The following DENND2B variants were observed in gnomAD, a reference collection of about 807,000 sequenced individuals.
DENND2B encodes the protein DENN domain-containing protein 2B.
A neutral mutation model predicts 116.0 loss-of-function variants in DENND2B; 32 were observed. That is an observed-to-expected ratio of 0.28 (90% CI 0.21 to 0.37). DENND2B has a LOEUF of 0.37. Ranked by LOEUF, DENND2B falls within the 10% of genes least tolerant of loss-of-function variation. The pLI is 1.00. For missense variants in DENND2B, 1,276 were observed against 1,477.7 expected, an observed-to-expected ratio of 0.86 and a Z score of 2.24; for synonymous variants, 588 against 583.9, an observed-to-expected ratio of 1.01 and a Z score of -0.10.
intron 1 of DENND2B, among the ~76,000 whole-genome samples, chr11:8,778,321 C>A (rs1390707237): frequency 3.3e-5 from 5 of 152,258 alleles, no homozygotes; most frequent in African/African-American, 1.2e-4. Flanking sequence ...TTCCACACAG[C>A]CACCCCTTAC....
chr11:8,878,973 A>C (rs1439415499), intron 2 of DENND2B, among the ~76,000 whole-genome samples: 1 of 152,234 alleles, frequency 6.6e-6, no homozygotes, highest in East Asian at 1.9e-4. Context: ...ATGATTGCAC[A>C]ATATTGTGAC....
intron 1 of DENND2B, among the ~76,000 whole-genome samples, chr11:8,793,856 C>G (rs1016126809): frequency 2.6e-5 from 4 of 152,192 alleles, no homozygotes; most frequent in Admixed American, 2.6e-4. Flanking sequence ...TACATTCTCA[C>G]CAACACTTCT....
intron 2 of DENND2B, among the ~76,000 whole-genome samples, chr11:8,732,005 A>G (rs905289): frequency 0.63 from 95,389 of 152,006 alleles, 30,119 homozygotes; most frequent in East Asian, 0.67. Context: ...ATAACATCTC[A>G]CTTCTTCATG....
intron 1 of DENND2B, among the ~76,000 whole-genome samples, chr11:8,753,186 A>C (rs529198454): frequency 6.6e-6 from 1 of 152,186 alleles, no homozygotes; most frequent in Non-Finnish European, 1.5e-5. Flanking sequence ...GCAGCAAGCC[A>C]AGATTGCACC....
At chr11:8,740,666 T>C (rs1332660910) in intron 2 of DENND2B, among the ~76,000 whole-genome samples, 1 of 152,184 alleles carries the variant, frequency 6.6e-6, no homozygotes, top group Admixed American at 6.5e-5. Flanking sequence ...AGGTGAAGGT[T>C]ATACAGGGCT....
chr11:8,853,871 C>T (rs2063098843), intron 3 of DENND2B, among the ~76,000 whole-genome samples: 1 of 151,698 alleles, frequency 6.6e-6, no homozygotes, highest in African/African-American at 2.4e-5. Context: ...TTTTTAGAGA[C>T]AAGGTCTCAC....
At chr11:8,744,940 A>T (rs1457965692) in intron 2 of DENND2B, among the ~76,000 whole-genome samples, 1 of 115,238 alleles carries the variant, frequency 8.7e-6, no homozygotes, top group South Asian at 3.0e-4. Flanking sequence ...TTTTTTTTTT[A>T]AGACAGGGTT....
intron 2 of DENND2B, among the ~76,000 whole-genome samples, chr11:8,863,744 T>C (rs1296399716): frequency 6.6e-6 from 1 of 152,186 alleles, no homozygotes; most frequent in African/African-American, 2.4e-5. Flanking sequence ...CAAATACTCA[T>C]TTGCAAGTTG....
rs149381128 is a variant in DENND2B at position 8,730,162 on chromosome 11, C to A, written c.1128G>T (p.Ser376=). ...TCACAGCGGGATCGAGGGAACTCTT[C>A]GATGGCAGCCGCTGGGAGCTAGGGC... ...GNSPSSQRLP[S]KSSLDPAVNP... is the part of the protein sequence containing the mutation. Residue 376 remains serine, a synonymous_variant, in exon 3 of 20, where the codon TCG becomes TCT. Transcript: ENST00000313726. This position sits in a 1 kb window ranked among gnomAD's most constrained non-coding sequence, Gnocchi z 4.1. The A allele has an allele frequency of 6.2e-7, 1 of 1,614,028 alleles. No homozygotes were observed. The highest frequency in any genetic ancestry group is 8.5e-7 in the Non-Finnish European group (1 of 1,180,004).
At position 8,712,494 on chromosome 11, in the gene DENND2B, C is replaced by G. The variant is rs557093433; in HGVS notation, c.2172+57G>C. On this transcript the variant is annotated intron_variant, in intron 9 of 19. Coordinates refer to ENST00000313726, the MANE Select transcript of DENND2B (RefSeq NM_213618.2). The surrounding 1 kb of genome is among the most constrained non-coding windows in gnomAD (Gnocchi z 4.4). ...TCTCTCCTTCCCCAGATAGGCCTGGCGGATAGAGGATGGAAGAGGGGGAAT... is the reference window on the plus strand; with the variant it reads ...TCTCTCCTTCCCCAGATAGGCCTGGGGGATAGAGGATGGAAGAGGGGGAAT... 1.3e-6 allele frequency: 2 copies of G among 1,499,478 alleles called. No individual in the cohort carries two copies. The highest frequency in any genetic ancestry group is 2.8e-5 in the African/African-American group (2 of 71,714). 92.9% of individuals were successfully genotyped at this position (1,499,478 alleles called of 1,614,324 possible).
chr11:8,718,226 C>T (rs2045411304), intron 4 of DENND2B: 1 of 906,894 alleles, frequency 1.1e-6, no homozygotes, highest in East Asian at 2.6e-5. Flanking sequence ...AAGCCAGCAA[C>T]AAGAGTCTTT....
chr11:8,785,262 C>T (rs2058794467), intron 1 of DENND2B: 1 of 152,152 alleles, frequency 6.6e-6, no homozygotes, highest in African/African-American at 2.4e-5. Context: ...CAATGAAAAA[C>T]CATCATCAGC....
intron 6 of DENND2B, chr11:8,715,363 C>T (rs2044546627): frequency 9.2e-6 from 5 of 542,126 alleles, no homozygotes; most frequent in Middle Eastern, 2.8e-4. Context: ...TGGGGAACCT[C>T]GGCTAGACTT....
At chr11:8,708,471 A>T in intron 11 of DENND2B, 1 of 410,076 alleles carries the variant, frequency 2.4e-6, no homozygotes, top group Non-Finnish European at 3.3e-6. Context: ...GAGGCAACTG[A>T]GTTCAAAAAG....
At chr11:8,724,265 C>T (rs2133885408) in intron 4 of DENND2B, among the ~76,000 whole-genome samples, 1 of 151,632 alleles carries the variant, frequency 6.6e-6, no homozygotes, top group South Asian at 2.1e-4. Flanking sequence ...CACTGCACTC[C>T]AGCCTGGGTG....
At chr11:8,821,999 C>G (rs1384709607) in intron 4 of DENND2B, among the ~76,000 whole-genome samples, 1 of 152,058 alleles carries the variant, frequency 6.6e-6, no homozygotes, top group Non-Finnish European at 1.5e-5. Flanking sequence ...GCCATGTTGC[C>G]CAGGCTGGTC....
intron 1 of DENND2B, among the ~76,000 whole-genome samples, chr11:8,799,267 A>G (rs1186074252): frequency 6.6e-6 from 1 of 152,210 alleles, no homozygotes; most frequent in Non-Finnish European, 1.5e-5. Flanking sequence ...GCAAACCCTG[A>G]GCATCAGTGA....
intron 1 of DENND2B, among the ~76,000 whole-genome samples, chr11:8,781,880 G>C (rs1249713880): frequency 6.6e-6 from 1 of 152,188 alleles, no homozygotes; most frequent in Non-Finnish European, 1.5e-5. Context: ...AAAGTGATGA[G>C]ATATTATATC....
At chr11:8,871,064 A>G (rs2063766972) in exon 2 of DENND2B, 1 of 152,206 alleles carries the variant, frequency 6.6e-6, no homozygotes, top group Admixed American at 6.5e-5. Context: ...GCGGGCAGGC[A>G]TCCGCGCCCC....
Sources: allele counts gnomAD v4.1 joint callset (sites outside exome capture counted in the v4.1 genomes callset), GRCh38; gene constraint gnomAD v4.1.1; non-coding constraint Gnocchi (gnomAD v3.1); transcripts MANE v1.5; gene names NCBI Gene and HGNC (gene_info 2026-07-23, HGNC 2026-07-21).